FAM168A: variants seen among roughly 807,000 people sequenced by gnomAD.
FAM168A encodes protein FAM168A.
FAM168A carries 3 observed loss-of-function variants against 28.5 expected under a neutral mutation model. The ratio of observed to expected loss-of-function variants is 0.11; its 90% CI spans 0.05 to 0.27. The LOEUF (loss-of-function observed/expected upper bound fraction) is 0.27. Among genes scored for constraint, FAM168A ranks in the 10% least tolerant of loss-of-function variants. The pLI, the probability that FAM168A is intolerant of heterozygous loss-of-function variation, is 1.00. For synonymous variants in FAM168A, 122 were observed against 124.2 expected (o/e 0.98, Z 0.12); for missense variants, 222 against 311.5 (o/e 0.71, Z 2.16).
intron 1 of FAM168A, among the ~76,000 whole-genome samples, chr11:73,546,686 C>G (rs1269781599): frequency 6.7e-6 from 1 of 148,372 alleles, no homozygotes; most frequent in African/African-American, 2.5e-5. Flanking sequence ...GAGCCTAGAT[C>G]GTGCCATTGC....
chr11:73,513,406 T>C (rs1190882065), intron 1 of FAM168A, among the ~76,000 whole-genome samples: 8 of 150,624 alleles, frequency 5.3e-5, no homozygotes, highest in Non-Finnish European at 1.0e-4. Flanking sequence ...TTAGTAGAGA[T>C]GGGATGTCAC....
chr11:73,587,197 A>G (rs1329752387), intron 1 of FAM168A, among the ~76,000 whole-genome samples: 1 of 150,452 alleles, frequency 6.6e-6, no homozygotes, highest in South Asian at 2.1e-4. Context: ...CAGTTTCATT[A>G]AAGAATGTTC....
intron 1 of FAM168A, among the ~76,000 whole-genome samples, chr11:73,597,448 T>C (rs1038188488): frequency 2.6e-5 from 4 of 151,514 alleles, no homozygotes; most frequent in African/African-American, 9.7e-5. Flanking sequence ...CGCAGGGCCC[T>C]AACCAACCCT....
At chr11:73,412,037 T>C (rs1327465864) in intron 4 of FAM168A, among the ~76,000 whole-genome samples, 2 of 152,144 alleles carry the variant, frequency 1.3e-5, no homozygotes, top group African/African-American at 4.8e-5. Flanking sequence ...CACTCTCTTC[T>C]TGGACTTCCC....
chr11:73,480,957 T>C (rs1867959946), intron 1 of FAM168A, among the ~76,000 whole-genome samples: 1 of 152,244 alleles, frequency 6.6e-6, no homozygotes, highest in African/African-American at 2.4e-5. Context: ...CCCTTGAACA[T>C]GCCATACTCT....
rs555911523 is a variant in FAM168A, at chr11:73,420,003, A to G, written c.152-4T>C. The stretch of plus-strand genomic sequence containing the variant: ...GCCTGTTTCATCAGCAGAGTTGCTT[A>G]AGGGAAGACACAAGAATGGCATTAG... On this transcript the variant is annotated splice_polypyrimidine_tract_variant and splice_region_variant and intron_variant, in intron 3 of 7. Transcript: ENST00000356467. 8.7e-6 allele frequency: 14 copies of G among 1,613,162 alleles called. No homozygotes were observed. In the South Asian group the frequency reaches 1.2e-4, roughly 14 times the overall value.
chr11:73,521,154 G>A (rs549690655), intron 1 of FAM168A, among the ~76,000 whole-genome samples: 14 of 152,320 alleles, frequency 9.2e-5, no homozygotes, highest in African/African-American at 3.1e-4. Context: ...GGATTGGTAG[G>A]TTGTTCTGCA....
chr11:73,438,894 T>C (rs1193742693), intron 2 of FAM168A, among the ~76,000 whole-genome samples: 1 of 151,894 alleles, frequency 6.6e-6, no homozygotes, highest in Non-Finnish European at 1.5e-5. Flanking sequence ...GCTAAGAAGC[T>C]ACAAAGAATG....
At chr11:73,497,325 T>G (rs911430931) in intron 1 of FAM168A, among the ~76,000 whole-genome samples, 1 of 151,676 alleles carries the variant, frequency 6.6e-6, no homozygotes, top group African/African-American at 2.4e-5. Context: ...ATTAGCCAGG[T>G]GTGGTGGCGC....
intron 1 of FAM168A, among the ~76,000 whole-genome samples, chr11:73,529,015 C>G (rs1456701459): frequency 6.6e-6 from 1 of 152,186 alleles, no homozygotes; most frequent in East Asian, 1.9e-4. Context: ...AAAAAAGTAC[C>G]CTGCTGCTAG....
chr11:73,434,652 T>A (rs1029250236), intron 2 of FAM168A, among the ~76,000 whole-genome samples: 2 of 152,330 alleles, frequency 1.3e-5, no homozygotes, highest in East Asian at 3.9e-4. Context: ...GGCCAGTTCA[T>A]GTAGGGCTTT....
chr11:73,571,639 A>C (rs1944091403), intron 1 of FAM168A, among the ~76,000 whole-genome samples: 1 of 152,096 alleles, frequency 6.6e-6, no homozygotes, highest in African/African-American at 2.4e-5. Context: ...CCCAAAGTGC[A>C]GAGATTGCAG....
At chr11:73,550,554 C>G (rs556888346) in intron 1 of FAM168A, among the ~76,000 whole-genome samples, 523 of 152,198 alleles carry the variant, frequency 3.4e-3, no homozygotes, top group Non-Finnish European at 6.2e-3. Context: ...ACTCAGGAGG[C>G]TGAGGTGGGA....
At chr11:73,579,080 G>C (rs907577819) in intron 1 of FAM168A, among the ~76,000 whole-genome samples, 15 of 152,306 alleles carry the variant, frequency 9.8e-5, no homozygotes, top group African/African-American at 3.1e-4. Flanking sequence ...GGAAAGCAGA[G>C]AGAGAGGAAG....
chr11:73,410,586 T>A (rs1266453142), intron 5 of FAM168A: 3 of 152,026 alleles, frequency 2.0e-5, no homozygotes. Flanking sequence ...CCCACTGACT[T>A]GTAGGGGAAG....
In FAM168A at chr11:73,535,698, C is replaced by A. The variant is rs149814935; in HGVS notation, c.-19+62225G>T. Among the ~76,000 whole-genome samples the A allele has an allele frequency of 1.8e-3, 267 of 148,632 alleles. 1 individual carries two copies. The highest frequency in any genetic ancestry group is 3.2e-3 in the Non-Finnish European group (214 of 67,440). On this transcript the variant is annotated intron_variant, in intron 1 of 7. Transcript: ENST00000356467. Reference sequence around the variant, plus strand: ...CCTCCCAAAGTGTTGGGATTACAGGCGTGAGCCACCGCACCTCACCCTTCT... The same window carrying A: ...CCTCCCAAAGTGTTGGGATTACAGGAGTGAGCCACCGCACCTCACCCTTCT...
At chr11:73,513,205 A>ATTTTTTTTTTTTTTTTTTTTTTTTTTTTT (rs1046600591) in intron 1 of FAM168A, among the ~76,000 whole-genome samples, 1 of 109,378 alleles carries the variant, frequency 9.1e-6, no homozygotes. Flanking sequence ...TTTTTTTTTA[A>ATTTTTTTTTTTTTTTTTTTTTTTTTTTTT]TTTTTTTTTT....
intron 1 of FAM168A, among the ~76,000 whole-genome samples, chr11:73,484,657 TATAG>T (rs896818217): frequency 4.3e-4 from 63 of 145,148 alleles, no homozygotes; most frequent in African/African-American, 7.0e-4. Flanking sequence ...TCTATCTATA[TATAG>T]ATAGATATAG....
chr11:73,516,496 G>A (rs1943305830), intron 1 of FAM168A, among the ~76,000 whole-genome samples: 1 of 152,166 alleles, frequency 6.6e-6, no homozygotes, highest in Non-Finnish European at 1.5e-5. Flanking sequence ...TCAAGTTTAA[G>A]TAATTTTCTA....
Sources: gnomAD v4.1 joint callset for allele counts (sites outside exome capture counted in the v4.1 genomes callset) on GRCh38, gnomAD v4.1.1 for gene constraint, MANE v1.5 for transcripts, NCBI Gene and HGNC (gene_info 2026-07-23, HGNC 2026-07-21) for gene names.